The following SLC30A6 variants were observed in gnomAD, a reference collection of about 807,000 sequenced individuals.
The protein encoded by SLC30A6 is zinc transporter 6.
In SLC30A6, 55 loss-of-function variants were observed where a neutral mutation model predicts 63.0. The observed-to-expected ratio is 0.87, with a 90% CI of 0.70 to 1.09. The LOEUF (loss-of-function observed/expected upper bound fraction) is 1.09. Among genes scored for constraint, SLC30A6 ranks in the 50% least tolerant of loss-of-function variants. The probability of loss-of-function intolerance (pLI) is 0.00; values close to 1 mark genes in which losing one functional copy is unlikely to be tolerated. For synonymous variants in SLC30A6, 224 were observed against 186.1 expected (o/e 1.20, Z -1.66); for missense variants, 587 against 549.2 (o/e 1.07, Z -0.69).
At position 32,222,745 on chromosome 2, in the gene SLC30A6, T is replaced by C. The variant is rs535608479; in HGVS notation, c.*2032T>C. 13 of 152,308 alleles carry C rather than the reference T, an allele frequency of 8.5e-5. No individual in the cohort carries two copies. Among genetic ancestry groups the C allele is most frequent in the African/African-American group, 2.4e-4 (10 of 41,566 alleles). The allele number at this position is 152,308 out of a possible 1,614,324, so 9.4% of individuals were successfully genotyped here. A position where few individuals can be genotyped will look rare whatever the true frequency, so the allele number is the denominator to read the frequency against. ...GTTTTCCAACTATTACTGTATCTGTTATTGGTCTACTATTACAGGATGATT... is the reference window on the plus strand; with the variant it reads ...GTTTTCCAACTATTACTGTATCTGTCATTGGTCTACTATTACAGGATGATT... On this transcript the variant is annotated 3_prime_UTR_variant, in exon 14 of 14. Transcript: ENST00000282587.
In SLC30A6 at chr2:32,197,673, C is replaced by T. The variant is rs114256717; in HGVS notation, c.546-34C>T. On this transcript the variant is annotated intron_variant, in intron 9 of 13. Coordinates refer to ENST00000282587, the MANE Select transcript of SLC30A6 (RefSeq NM_017964.5). ...TGTCACCAGTTTTATGTGAGTTCTG[C>T]TAATGGATACTCTTTCTGTTTGTTT... 2.5e-3 allele frequency: 4,042 copies of T among 1,613,046 alleles called. 83 individuals carry two copies. The African/African-American group carries it at 0.039, about 16-fold the overall frequency.
rs1179264504 is a variant in SLC30A6 at position 32,222,043 on chromosome 2, G to T, written c.*1330G>T. ...AAAGCATAATGGACCTTAGATTATA[G>T]AATACAGCATTGTTAGGTCTGCAGT... On this transcript the variant is annotated 3_prime_UTR_variant, in exon 14 of 14. Transcript: ENST00000282587. 2.6e-5 allele frequency: 4 copies of T among 152,114 alleles called. No individual in the cohort carries two copies. The highest frequency in any genetic ancestry group is 4.4e-5 in the Non-Finnish European group (3 of 68,012). 9.4% of individuals were successfully genotyped at this position (152,114 alleles called of 1,614,324 possible). A position where few individuals can be genotyped will look rare whatever the true frequency, so the allele number is the denominator to read the frequency against.
chr2:32,180,807 G>A (rs1439238798), intron 4 of SLC30A6, among the ~76,000 whole-genome samples: 2 of 152,090 alleles, frequency 1.3e-5, no homozygotes, highest in Non-Finnish European at 2.9e-5. Flanking sequence ...ACAAACTAAC[G>A]GTAATAAAAA....
At chr2:32,167,363 C>G (rs1440664420) in intron 1 of SLC30A6, among the ~76,000 whole-genome samples, 1 of 150,558 alleles carries the variant, frequency 6.6e-6, no homozygotes, top group Non-Finnish European at 1.5e-5. Context: ...GCGTGAGCCA[C>G]CGTGCCAGGC....
chr2:32,187,148 C>T (rs922985807), intron 5 of SLC30A6: 1 of 469,666 alleles, frequency 2.1e-6, no homozygotes, highest in Non-Finnish European at 4.4e-6. Context: ...TTTTTGCCTC[C>T]CAGGCCTGCT....
intron 1 of SLC30A6, among the ~76,000 whole-genome samples, chr2:32,167,818 C>T (rs1215473947): frequency 6.6e-6 from 1 of 152,180 alleles, no homozygotes; most frequent in African/African-American, 2.4e-5. Flanking sequence ...AGATTATACA[C>T]CTTCATTAAC....
At chr2:32,210,463 C>T (rs569121492) in intron 13 of SLC30A6, among the ~76,000 whole-genome samples, 33 of 133,948 alleles carry the variant, frequency 2.5e-4, no homozygotes, top group African/African-American at 9.1e-4. Flanking sequence ...TGCAGTGAGC[C>T]GAGATCACGC....
chr2:32,197,749 C>G lies in SLC30A6; in HGVS notation c.588C>G (p.Pro196=), dbSNP rs777749255. 1.2e-6 allele frequency: 2 copies of G among 1,614,074 alleles called. No individual in the cohort carries two copies. The highest frequency in any genetic ancestry group is 1.7e-6 in the Non-Finnish European group (2 of 1,179,988). Residue 196 remains proline (P), a synonymous_variant, in exon 10 of 14, where the codon CCC becomes CCG. Coordinates refer to ENST00000282587, the MANE Select transcript of SLC30A6 (RefSeq NM_017964.5). ...IIPGLSSIFL[P]RMNPFVLIDL... is the part of the protein sequence containing the mutation. ...CGGGACTTAGCAGTATCTTCCTTCC[C>G]CGAATGAATCCATTTGTTTTGATTG...
chr2:32,198,416 A>G (rs1023392117), intron 10 of SLC30A6, among the ~76,000 whole-genome samples: 2 of 152,174 alleles, frequency 1.3e-5, no homozygotes, highest in African/African-American at 2.4e-5. Context: ...CAAAAGGCGT[A>G]TCTTCCTGAC....
intron 5 of SLC30A6, among the ~76,000 whole-genome samples, chr2:32,187,700 G>A (rs1226181559): frequency 6.6e-6 from 1 of 152,074 alleles, no homozygotes; most frequent in Admixed American, 6.6e-5. Context: ...AAAATTCTTG[G>A]TTTCTTCCTC....
chr2:32,166,864 C>A lies in SLC30A6; in HGVS notation c.3+961C>A, dbSNP rs143443801. On this transcript the variant is annotated intron_variant, in intron 1 of 13. Transcript: ENST00000282587. ...ATGGGTAAAAGTTTACACTTTTTGG[C>A]TAATGATCAAATAGCCTTCAGTTAC... 6.7e-3 allele frequency among the ~76,000 whole-genome samples: 1,013 copies of A among 152,254 alleles called. 17 individuals carry two copies. Among genetic ancestry groups the A allele is most frequent in the African/African-American group, 0.024 (976 of 41,532 alleles).
chr2:32,176,987 G>C (rs1161997775), intron 4 of SLC30A6, among the ~76,000 whole-genome samples: 5 of 151,834 alleles, frequency 3.3e-5, no homozygotes, highest in African/African-American at 1.2e-4. Flanking sequence ...TGGCCAGGCT[G>C]GTCTCGAACT....
At chr2:32,171,158 G>GTA in intron 1 of SLC30A6, 129 bp from the exon 2 acceptor site, 1 of 632,656 alleles carries the variant, frequency 1.6e-6, no homozygotes, top group East Asian at 2.9e-5. Context: ...TCTAGAATAA[G>GTA]TGCTTGATGT....
intron 8 of SLC30A6, 77 bp from the exon 9 acceptor site, chr2:32,197,267 A>G (rs902654851): frequency 3.8e-6 from 5 of 1,320,504 alleles, no homozygotes; most frequent in Non-Finnish European, 5.2e-6. Context: ...TATTTTTTAA[A>G]ATTAAAGAAC....
intron 10 of SLC30A6, chr2:32,202,327 A>G (rs577940652): frequency 2.8e-5 from 11 of 399,352 alleles, no homozygotes; most frequent in South Asian, 2.3e-4. Flanking sequence ...ATCAAGAAAC[A>G]GTTTTTTGTT....
At chr2:32,195,099 C>CTT (rs11453810) in intron 8 of SLC30A6, among the ~76,000 whole-genome samples, 4,509 of 125,660 alleles carry the variant, frequency 0.036, 210 homozygotes, top group African/African-American at 0.059. Context: ...TTATGCCTGG[C>CTT]TTTTTTTTTT....
chr2:32,205,659 C>CTTTTTTTTTTTTTTTTTTT (rs1478767845), intron 11 of SLC30A6, among the ~76,000 whole-genome samples: 1 of 97,702 alleles, frequency 1.0e-5, no homozygotes. Flanking sequence ...AAGAATGTTA[C>CTTTTTTTTTTTTTTTTTTT]TTCTTTTTTT....
intron 5 of SLC30A6, among the ~76,000 whole-genome samples, chr2:32,192,110 C>A (rs1287178736): frequency 2.0e-5 from 3 of 151,234 alleles, no homozygotes; most frequent in Admixed American, 2.0e-4. Flanking sequence ...AAGGTGCTCT[C>A]TCTTCTGAGT....
chr2:32,183,223 A>T (rs945118172), intron 4 of SLC30A6, among the ~76,000 whole-genome samples: 4 of 152,100 alleles, frequency 2.6e-5, no homozygotes, highest in Non-Finnish European at 5.9e-5. Flanking sequence ...TGTAATATAG[A>T]TGGAGAAAAA....
Sources: allele counts gnomAD v4.1 joint callset (sites outside exome capture counted in the v4.1 genomes callset), GRCh38; gene constraint gnomAD v4.1.1; transcripts MANE v1.5; gene names NCBI Gene and HGNC (gene_info 2026-07-23, HGNC 2026-07-21).